Variants in CD34 observed in about 807,000 individuals in gnomAD.
CD34 encodes the protein CD34 molecule.
Under a neutral mutation model 40.1 loss-of-function variants are expected in CD34, and 34 were observed. The observed-to-expected ratio is 0.85, with a 90% CI of 0.65 to 1.13. The LOEUF (loss-of-function observed/expected upper bound fraction) is 1.13, where lower values mean the gene tolerates loss of function less well. Among genes scored for constraint, CD34 ranks in the 50% most tolerant of loss-of-function variants. The pLI is 0.00. For missense variants in CD34, 426 were observed against 466.9 expected, an observed-to-expected ratio of 0.91 and a Z score of 0.81; for synonymous variants, 209 against 190.0, an observed-to-expected ratio of 1.10 and a Z score of -0.82.
At chr1:207,888,901 G>T in intron 6 of CD34, 55 bp from the exon 7 acceptor site, 7 of 1,533,204 alleles carry the variant, frequency 4.6e-6, no homozygotes, top group Middle Eastern at 3.4e-4. Flanking sequence ...GTGGAGCCCA[G>T]CCCGCTCCAG....
chr1:207,903,315 C>G (rs1662314714), intron 1 of CD34, among the ~76,000 whole-genome samples: 1 of 152,188 alleles, frequency 6.6e-6, no homozygotes, highest in Non-Finnish European at 1.5e-5. Flanking sequence ...ACTCCCAACT[C>G]TGTAGGGGAG....
rs1661943068 is a variant in CD34, at chr1:207,888,028, G to A, written c.973-105C>T. ...AAGTGGGGGCAGGGGTGGGAGAAGG[G>A]GGAGGGGGAGGTGGGAGGAAGGATC... On this transcript the variant is annotated intron_variant, in intron 7 of 7. Coordinates refer to ENST00000310833, the MANE Select transcript of CD34 (RefSeq NM_001025109.2). 1.9e-6 allele frequency: 3 copies of A among 1,565,452 alleles called. No homozygotes were observed. The South Asian group carries it at 3.5e-5, about 18-fold the overall frequency.
intron 4 of CD34, among the ~76,000 whole-genome samples, chr1:207,894,936 G>A (rs1002833508): frequency 6.6e-6 from 1 of 152,226 alleles, no homozygotes; most frequent in African/African-American, 2.4e-5. Context: ...TGCAGAATGA[G>A]TGTCTGGATA....
chr1:207,888,870 AC>A, intron 6 of CD34, 24 bp from the exon 7 acceptor site: 1 of 1,611,514 alleles, frequency 6.2e-7, no homozygotes, highest in East Asian at 2.2e-5. Context: ...CAAAGAAGAT[AC>A]AGCCTGTCAC....
chr1:207,889,767 A>G, intron 4 of CD34, 146 bp from the exon 5 acceptor site: 3 of 1,583,616 alleles, frequency 1.9e-6, no homozygotes, highest in Non-Finnish European at 2.6e-6. Context: ...AAAAAAAAAA[A>G]CTGCTAACTG....
Position 207,882,286 on chromosome 1 carries a change from G to A in CD34, c.*5452C>T, listed in dbSNP as rs921041448. On this transcript the variant is annotated 3_prime_UTR_variant, in exon 8 of 8. Transcript: ENST00000310833. ...TCTAACCTGGGCCAGCAATAATGAG[G>A]TACCCCCTTCACCCCATCCCACCTC... 3 of 152,214 alleles carry A rather than the reference G, an allele frequency of 2.0e-5. No homozygotes were observed. The highest frequency in any genetic ancestry group is 7.2e-5 in the African/African-American group (3 of 41,436). 9.4% of individuals were successfully genotyped at this position (152,214 alleles called of 1,614,324 possible). A position where few individuals can be genotyped will look rare whatever the true frequency, so the allele number is the denominator to read the frequency against.
chr1:207,889,337 A>C (rs915239889), intron 5 of CD34, 124 bp from the exon 6 acceptor site: 3 of 1,547,458 alleles, frequency 1.9e-6, no homozygotes, highest in Non-Finnish European at 2.6e-6. Context: ...GACCGCTCCC[A>C]AAGCCAGCCA....
At position 207,899,801 on chromosome 1, in the gene CD34, G is replaced by T; in HGVS notation, c.262+20C>A. 1 of 1,598,814 alleles carries T rather than the reference G, an allele frequency of 6.3e-7. No individual in the cohort carries two copies. Among genetic ancestry groups the T allele is most frequent in the South Asian group, 1.1e-5 (1 of 88,470 alleles). ...CATCACCAGCATCTCTCCGGGATCTGACACAAATGCTGTTTTTACCTGTGA... is the reference window on the plus strand; with the variant it reads ...CATCACCAGCATCTCTCCGGGATCTTACACAAATGCTGTTTTTACCTGTGA... On this transcript the variant is annotated intron_variant, in intron 2 of 7. Transcript: ENST00000310833.
At chr1:207,891,738 C>G (rs1662041027) in intron 4 of CD34, among the ~76,000 whole-genome samples, 1 of 150,766 alleles carries the variant, frequency 6.6e-6, no homozygotes, top group South Asian at 2.1e-4. Flanking sequence ...TATATTAACT[C>G]ATTTAGGCCT....
chr1:207,884,671 C>T lies in CD34; in HGVS notation c.*3067G>A, dbSNP rs143903241. 193 of 152,296 alleles carry T rather than the reference C, an allele frequency of 1.3e-3. No individual in the cohort carries two copies. Among genetic ancestry groups the T allele is most frequent in the African/African-American group, 4.6e-3 (191 of 41,544 alleles). 9.4% of individuals were successfully genotyped at this position (152,296 alleles called of 1,614,324 possible). On this transcript the variant is annotated 3_prime_UTR_variant, in exon 8 of 8. Transcript: ENST00000310833. ...GGACTTAGATGGTATTCCCATTTAT[C>T]CATTCAGATGAAAATCTGGCTGAAG...
intron 7 of CD34, chr1:207,888,263 C>T: frequency 1.2e-6 from 1 of 807,720 alleles, no homozygotes; most frequent in South Asian, 1.5e-5. Flanking sequence ...ATTCAGACCT[C>T]AGCCTTGTCC....
Position 207,897,549 on chromosome 1 carries a change from T to C in CD34, c.541A>G (p.Arg181Gly), listed in dbSNP as rs1428604641. ...IKAEIKCSGIREVKLTQGICL... is the reference protein window; with the variant it reads ...IKAEIKCSGIGEVKLTQGICL... ...ATGCCCTGAGTCAATTTCACTTCTCTGATGCCTGAACATTTGATTTCTGCC... is the reference window on the plus strand; with the variant it reads ...ATGCCCTGAGTCAATTTCACTTCTCCGATGCCTGAACATTTGATTTCTGCC... Residue 181 changes from arginine (R) to glycine (G), a missense_variant, in exon 4 of 8, where the codon AGA (arginine) becomes GGA (glycine). Physicochemically the swap from Arg to Gly is moderately radical, Grantham distance 125. Coordinates refer to ENST00000310833, the MANE Select transcript of CD34 (RefSeq NM_001025109.2). 3 of 1,557,140 alleles carry C rather than the reference T, an allele frequency of 1.9e-6. No individual in the cohort carries two copies. Among genetic ancestry groups the C allele is most frequent in the African/African-American group, 1.4e-5 (1 of 73,366 alleles).
chr1:207,906,404 T>C (rs1662382120), intron 1 of CD34, among the ~76,000 whole-genome samples: 2 of 152,214 alleles, frequency 1.3e-5, no homozygotes, highest in South Asian at 4.1e-4. Context: ...AGGCCTACCA[T>C]GAATTTCAGT....
At chr1:207,900,370 C>T (rs760638292) in intron 1 of CD34, among the ~76,000 whole-genome samples, 2 of 152,014 alleles carry the variant, frequency 1.3e-5, no homozygotes, top group African/African-American at 2.4e-5. Flanking sequence ...ACTGTAGCAA[C>T]GTGGAACTAT....
intron 1 of CD34, among the ~76,000 whole-genome samples, chr1:207,909,608 C>CA (rs1221099334): frequency 1.3e-5 from 2 of 152,068 alleles, no homozygotes; most frequent in African/African-American, 4.8e-5. Context: ...GGGGTTTCAC[C>CA]ATGTTGGCCA....
chr1:207,887,524 C>A lies in CD34; in HGVS notation c.*214G>T. On this transcript the variant is annotated 3_prime_UTR_variant, in exon 8 of 8. Transcript: ENST00000310833. ...CCGTCACACGTTTACCCAAAGAAGA[C>A]CAGAGTCTGGCTCCAGGGAGCCGAA... 1 of 628,672 alleles carries A rather than the reference C, an allele frequency of 1.6e-6. No individual in the cohort carries two copies. The highest frequency in any genetic ancestry group is 2.2e-5 in the South Asian group (1 of 45,508). 38.9% of individuals were successfully genotyped at this position (628,672 alleles called of 1,614,324 possible). A position where few individuals can be genotyped will look rare whatever the true frequency, so the allele number is the denominator to read the frequency against.
At chr1:207,889,931 G>A in intron 4 of CD34, 3 of 1,472,334 alleles carry the variant, frequency 2.0e-6, no homozygotes, top group Admixed American at 3.1e-5. Flanking sequence ...AAACTCAAAA[G>A]AAATGGCCAA....
At chr1:207,889,673 C>G in intron 4 of CD34, 52 bp from the exon 5 acceptor site, 8 of 1,610,382 alleles carry the variant, frequency 5.0e-6, no homozygotes, top group Non-Finnish European at 6.8e-6. Flanking sequence ...CTGCTCTGCC[C>G]TAAACTGCAC....
intron 4 of CD34, 136 bp from the exon 5 acceptor site, chr1:207,889,757 A>G: frequency 6.4e-7 from 1 of 1,560,950 alleles, no homozygotes; most frequent in Admixed American, 2.0e-5. Context: ...TTCCAACAGA[A>G]AAAAAAAAAA....
Sources: gnomAD v4.1 joint callset for allele counts (sites outside exome capture counted in the v4.1 genomes callset) on GRCh38, gnomAD v4.1.1 for gene constraint, MANE v1.5 for transcripts, NCBI Gene and HGNC (gene_info 2026-07-23, HGNC 2026-07-21) for gene names.